FKTN: variants seen among roughly 807,000 people sequenced by gnomAD.
The protein encoded by FKTN is ribitol-5-phosphate transferase FKTN.
In FKTN, 47 loss-of-function variants were observed where a neutral mutation model predicts 58.6. That is an observed-to-expected ratio of 0.80 (90% confidence interval 0.63 to 1.02). The LOEUF (loss-of-function observed/expected upper bound fraction) is 1.02, where lower values mean the gene tolerates loss of function less well. FKTN is among the 50% of genes least tolerant of loss of function. The pLI is 0.00. For synonymous variants in FKTN, 178 were observed against 191.9 expected, an observed-to-expected ratio of 0.93 and a Z score of 0.60; for missense variants, 516 against 537.3, an observed-to-expected ratio of 0.96 and a Z score of 0.39.
intron 10 of FKTN, among the ~76,000 whole-genome samples, chr9:105,629,618 G>C (rs1348064775): frequency 6.6e-6 from 1 of 152,114 alleles, no homozygotes; most frequent in Non-Finnish European, 1.5e-5. Flanking sequence ...AAGTTATGTA[G>C]TTATGTCCCA....
chr9:105,611,897 C>T (rs1829992698), intron 7 of FKTN, among the ~76,000 whole-genome samples: 1 of 152,120 alleles, frequency 6.6e-6, no homozygotes, highest in African/African-American at 2.4e-5. Flanking sequence ...AACAGTATTT[C>T]TGTCTTTAGG....
intron 1 of FKTN, among the ~76,000 whole-genome samples, chr9:105,563,347 G>C (rs1225812591): frequency 6.6e-6 from 1 of 152,064 alleles, no homozygotes; most frequent in Non-Finnish European, 1.5e-5. Context: ...CCGAAGCAGG[G>C]CAAGGCATCA....
intron 3 of FKTN, among the ~76,000 whole-genome samples, chr9:105,576,481 T>C (rs1841735318): frequency 6.6e-6 from 1 of 150,912 alleles, no homozygotes; most frequent in African/African-American, 2.5e-5. Context: ...TCCATGTCCC[T>C]ACAAAGGACG....
Position 105,599,379 on chromosome 9 carries a change from A to T in FKTN, c.166-1766A>T, listed in dbSNP as rs1021137695. 6.6e-5 allele frequency among the ~76,000 whole-genome samples: 10 copies of T among 151,402 alleles called. No individual in the cohort carries two copies. The East Asian group carries it at 1.9e-3, about 29-fold the overall frequency. On this transcript the variant is annotated intron_variant, in intron 4 of 10. Coordinates refer to ENST00000357998, the MANE Select transcript of FKTN (RefSeq NM_001079802.2). ...TTTTTTATCTTTTTTTAGTTACTGGAATTGATTTTCTAATATTTTATTAAG... is the reference window on the plus strand; with the variant it reads ...TTTTTTATCTTTTTTTAGTTACTGGTATTGATTTTCTAATATTTTATTAAG...
At chr9:105,607,731 A>G in intron 6 of FKTN, 88 bp from the exon 7 acceptor site, 2 of 1,184,812 alleles carry the variant, frequency 1.7e-6, no homozygotes, top group South Asian at 2.5e-5. Flanking sequence ...CTAGGTTTTA[A>G]GCTCTGCACG....
Position 105,618,025 on chromosome 9 carries a change from A to G in FKTN, c.977A>G (p.Asp326Gly), listed in dbSNP as rs759791267. The G allele has an allele frequency of 6.2e-7, 1 of 1,602,944 alleles. No homozygotes were observed. The highest frequency in any genetic ancestry group is 8.5e-7 in the Non-Finnish European group (1 of 1,169,752). ...GTTGACCTAGGAATTTTTATACAAG[A>G]TTACAAATCTGATATTATTTTAGCA... ...KDVDLGIFIQ[D>G]YKSDIILAFQ... Residue 326 changes from aspartate to glycine, a missense_variant, in exon 9 of 11, where the codon GAT (aspartate) becomes GGT (glycine). By Grantham distance (94) the Asp-to-Gly change is moderately conservative. Transcript: ENST00000357998.
intron 1 of FKTN, among the ~76,000 whole-genome samples, chr9:105,567,695 T>A (rs1245649133): frequency 3.9e-5 from 6 of 152,148 alleles, no homozygotes; most frequent in African/African-American, 9.7e-5. Flanking sequence ...AGAATCGATA[T>A]CTTGAAAATG....
chr9:105,562,958 C>T (rs1354321988), intron 1 of FKTN, among the ~76,000 whole-genome samples: 3 of 152,186 alleles, frequency 2.0e-5, no homozygotes, highest in Non-Finnish European at 4.4e-5. Context: ...TTTGATTCCA[C>T]TTCCCCCCAC....
chr9:105,608,860 G>A (rs1174911786), intron 7 of FKTN, among the ~76,000 whole-genome samples: 1 of 132,002 alleles, frequency 7.6e-6, no homozygotes, highest in Non-Finnish European at 1.5e-5. Context: ...AAAACCACAT[G>A]TGTGGATGGG....
At chr9:105,573,294 G>GA (rs1341851370) in intron 1 of FKTN, among the ~76,000 whole-genome samples, 5 of 151,718 alleles carry the variant, frequency 3.3e-5, no homozygotes, top group African/African-American at 1.2e-4. Context: ...TGTTATAACA[G>GA]AAAAAATATT....
chr9:105,558,325 G>C (rs1156746855), intron 1 of FKTN, among the ~76,000 whole-genome samples, 160 bp downstream of exon 1: 2 of 152,198 alleles, frequency 1.3e-5, no homozygotes, highest in Non-Finnish European at 2.9e-5. Flanking sequence ...CGCGCTCCGG[G>C]CTGGGTACTC....
chr9:105,620,062 G>T lies in FKTN; in HGVS notation c.1172+1G>T. On this transcript the variant is annotated splice_donor_variant, in intron 10 of 10. Transcript: ENST00000357998. LOFTEE classifies it high-confidence loss of function. ...AGGCCAAAACAGGAAAAAAATTCAAGTATGAATCAAATAAGTACTTATTTA... is the reference window on the plus strand; with the variant it reads ...AGGCCAAAACAGGAAAAAAATTCAATTATGAATCAAATAAGTACTTATTTA... The T allele has an allele frequency of 6.2e-7, 1 of 1,608,864 alleles. No homozygotes were observed. Among genetic ancestry groups the T allele is most frequent in the South Asian group, 1.1e-5 (1 of 90,984 alleles).
intron 1 of FKTN, among the ~76,000 whole-genome samples, chr9:105,563,382 CAG>C (rs201360458): frequency 0.12 from 18,496 of 152,102 alleles, 1,484 homozygotes; most frequent in East Asian, 0.46. Flanking sequence ...TGCAAGGGGT[CAG>C]GGAATTCCCT....
At chr9:105,627,786 C>A (rs1232904014) in intron 10 of FKTN, among the ~76,000 whole-genome samples, 1 of 151,986 alleles carries the variant, frequency 6.6e-6, no homozygotes, top group Admixed American at 6.6e-5. Context: ...TATTGGAGTA[C>A]TTTTGCTGAT....
At chr9:105,629,704 G>A (rs2768280) in intron 10 of FKTN, among the ~76,000 whole-genome samples, 104,081 of 152,002 alleles carry the variant, frequency 0.68, 36,102 homozygotes, top group Admixed American at 0.77. Context: ...GTCATTATGT[G>A]TATGTATATA....
rs1277483888 is a variant in FKTN at position 105,639,440 on chromosome 9, A to T, written c.*4176A>T. ...ATTTCCACATTAGTGAACTGGGGAA[A>T]TGATACATACTTCTAAGGGTTTTTA... On this transcript the variant is annotated 3_prime_UTR_variant, in exon 11 of 11. Coordinates refer to ENST00000357998, the MANE Select transcript of FKTN (RefSeq NM_001079802.2). The T allele has an allele frequency of 1.2e-5, 7 of 593,274 alleles. No homozygotes were observed. Among genetic ancestry groups the T allele is most frequent in the Non-Finnish European group, 1.5e-5 (7 of 471,994 alleles). The allele number at this position is 593,274 out of a possible 1,614,324, so 36.8% of individuals were successfully genotyped here.
chr9:105,600,891 A>T (rs1034243132), intron 4 of FKTN: 5 of 353,922 alleles, frequency 1.4e-5, no homozygotes, highest in African/African-American at 1.0e-4. Context: ...GTACTTTTAT[A>T]ATATGTTGTA....
chr9:105,610,010 A>G (rs1829618864), intron 7 of FKTN, among the ~76,000 whole-genome samples: 1 of 152,096 alleles, frequency 6.6e-6, no homozygotes, highest in Non-Finnish European at 1.5e-5. Context: ...ATTTTACCCT[A>G]TGGGTTATAG....
intron 1 of FKTN, among the ~76,000 whole-genome samples, chr9:105,566,917 T>A (rs143488143): frequency 3.3e-5 from 5 of 152,154 alleles, no homozygotes; most frequent in African/African-American, 4.8e-5. Context: ...GCAAACCGAG[T>A]CCAGAAGCAC....
Sources: gnomAD v4.1 joint callset for allele counts (sites outside exome capture counted in the v4.1 genomes callset) on GRCh38, gnomAD v4.1.1 for gene constraint, MANE v1.5 for transcripts, NCBI Gene and HGNC (gene_info 2026-07-23, HGNC 2026-07-21) for gene names.